Variants in ST3GAL3 observed in about 807,000 individuals in gnomAD.
ST3GAL3 encodes CMP-N-acetylneuraminate-beta-1,4-galactoside alpha-2,3-sialyltransferase.
A neutral mutation model predicts 50.1 loss-of-function variants in ST3GAL3; 21 were observed. The observed-to-expected ratio is 0.42, with a 90% CI of 0.30 to 0.60. The LOEUF is 0.60. Ranked by LOEUF, ST3GAL3 falls within the 20% of genes least tolerant of loss-of-function variation. ST3GAL3 has a pLI of 0.19. For missense variants in ST3GAL3, 353 were observed against 489.4 expected (o/e 0.72, Z 2.63); for synonymous variants, 183 against 190.0 (o/e 0.96, Z 0.30).
intron 2 of ST3GAL3, among the ~76,000 whole-genome samples, chr1:43,744,683 T>TAAATAAATAAATAAATAAATA (rs1340747335): frequency 9.6e-4 from 138 of 143,096 alleles, no homozygotes; most frequent in Admixed American, 1.2e-3. Context: ...AATAAATAAA[T>TAAATAAATAAATAAATAAATA]AAATAAAATA....
rs565306738 is a variant in ST3GAL3 at position 43,827,276 on chromosome 1, A to G, written c.210-10943A>G. Among the ~76,000 whole-genome samples, 7 of 152,332 alleles carry G rather than the reference A, an allele frequency of 4.6e-5. No individual in the cohort carries two copies. In the East Asian group the frequency reaches 1.3e-3, roughly 29 times the overall value. ...ATACACAAAAGGCAATTGCTTTTCT[A>G]TATACCAGCAAGAAGCAATTGGAAT... is the stretch of plus-strand genomic sequence containing the variant. On this transcript the variant is annotated intron_variant, in intron 4 of 11. Transcript: ENST00000347631.
chr1:43,779,347 A>C (rs116235316), intron 2 of ST3GAL3, among the ~76,000 whole-genome samples: 1 of 152,224 alleles, frequency 6.6e-6, no homozygotes, highest in Non-Finnish European at 1.5e-5. Context: ...CTATCCTTAT[A>C]GGCTGTGTAA....
chr1:43,779,410 A>T (rs560301339), intron 2 of ST3GAL3, among the ~76,000 whole-genome samples: 1 of 152,322 alleles, frequency 6.6e-6, no homozygotes, highest in South Asian at 2.1e-4. Flanking sequence ...ACATGTGCAT[A>T]GTTTACAGGG....
chr1:43,846,199 T>C (rs1161536804), intron 5 of ST3GAL3, among the ~76,000 whole-genome samples: 1 of 152,226 alleles, frequency 6.6e-6, no homozygotes, highest in Non-Finnish European at 1.5e-5. Flanking sequence ...CTGTACACTT[T>C]TTCTAACAAT....
intron 2 of ST3GAL3, among the ~76,000 whole-genome samples, chr1:43,786,253 T>G (rs1378911011): frequency 6.6e-6 from 1 of 152,204 alleles, no homozygotes; most frequent in Admixed American, 6.5e-5. Flanking sequence ...CTCCCGGGGT[T>G]TTAAGCAGGG....
chr1:43,740,979 T>A (rs928491529), intron 2 of ST3GAL3, among the ~76,000 whole-genome samples: 1 of 151,990 alleles, frequency 6.6e-6, no homozygotes, highest in African/African-American at 2.4e-5. Flanking sequence ...GAAATTCATT[T>A]CTAATTAATA....
At chr1:43,894,051 C>T in intron 5 of ST3GAL3, 1 of 383,260 alleles carries the variant, frequency 2.6e-6, no homozygotes, top group Non-Finnish European at 5.0e-6. Flanking sequence ...ACAGTGTGGG[C>T]AGCAGTGACT....
At chr1:43,740,799 G>C (rs1333251970) in intron 2 of ST3GAL3, among the ~76,000 whole-genome samples, 1 of 151,244 alleles carries the variant, frequency 6.6e-6, no homozygotes, top group African/African-American at 2.4e-5. Context: ...CTGGGCAACA[G>C]CATGAAACCT....
In ST3GAL3 at chr1:43,717,871, A is replaced by AT. The variant is rs112419060; in HGVS notation, c.-31+10192dup. ...GAACAAATAATTATACCTATCATGA[A>AT]TTTTTTTTTTTTTTAAATGAGACGG... is the stretch of plus-strand genomic sequence containing the variant. On this transcript the variant is annotated intron_variant, in intron 1 of 11. Coordinates refer to ENST00000347631, the MANE Select transcript of ST3GAL3 (RefSeq NM_006279.5). Among the ~76,000 whole-genome samples, 197 of 145,826 alleles carry AT rather than the reference A, an allele frequency of 1.4e-3. 2 individuals are homozygous for AT. The South Asian group carries it at 0.019, about 14-fold the overall frequency.
intron 2 of ST3GAL3, among the ~76,000 whole-genome samples, chr1:43,789,393 C>T (rs1249408795): frequency 6.6e-6 from 1 of 151,980 alleles, no homozygotes; most frequent in Non-Finnish European, 1.5e-5. Context: ...TGAGAATGTT[C>T]TAAATTGGAT....
chr1:43,832,462 G>A (rs540554791), intron 4 of ST3GAL3, among the ~76,000 whole-genome samples: 1 of 152,324 alleles, frequency 6.6e-6, no homozygotes, highest in South Asian at 2.1e-4. Flanking sequence ...GGCAAAAGCT[G>A]TAGAGAAACC....
At chr1:43,803,670 C>G (rs1179416962) in intron 3 of ST3GAL3, among the ~76,000 whole-genome samples, 2 of 152,172 alleles carry the variant, frequency 1.3e-5, no homozygotes, top group Non-Finnish European at 2.9e-5. Context: ...CATCAGTGTT[C>G]CAGTGTTCAT....
At chr1:43,718,941 G>A (rs938735708) in intron 1 of ST3GAL3, 1 of 152,170 alleles carries the variant, frequency 6.6e-6, no homozygotes, top group Non-Finnish European at 1.5e-5. Context: ...GCCTGCCTTG[G>A]CCTCCCAAAG....
intron 5 of ST3GAL3, among the ~76,000 whole-genome samples, chr1:43,879,975 C>T (rs770656964): frequency 1.3e-5 from 2 of 152,184 alleles, no homozygotes; most frequent in African/African-American, 2.4e-5. Context: ...ACAGCCTTGG[C>T]GCTACTGTGG....
chr1:43,806,284 G>A (rs746288595), intron 3 of ST3GAL3, among the ~76,000 whole-genome samples: 8 of 152,214 alleles, frequency 5.3e-5, no homozygotes, highest in Non-Finnish European at 1.2e-4. Context: ...AGCAAGATGA[G>A]TGAAGGCATT....
chr1:43,731,648 C>G (rs947790905), intron 1 of ST3GAL3, among the ~76,000 whole-genome samples: 2 of 149,348 alleles, frequency 1.3e-5, no homozygotes, highest in African/African-American at 5.0e-5. Context: ...CCGCCCACCT[C>G]GGCCTCCCAA....
chr1:43,893,810 G>A (rs1039424926), intron 5 of ST3GAL3, among the ~76,000 whole-genome samples: 10 of 151,836 alleles, frequency 6.6e-5, no homozygotes, highest in South Asian at 4.2e-4. Flanking sequence ...CTCTCCCCTC[G>A]GCCCTGCCTC....
chr1:43,898,456 A>G, intron 7 of ST3GAL3, 158 bp downstream of exon 7: 1 of 755,300 alleles, frequency 1.3e-6, no homozygotes. Context: ...AGGTAAGTGG[A>G]ACCACTCCAC....
intron 4 of ST3GAL3, among the ~76,000 whole-genome samples, chr1:43,827,894 G>A (rs1036692465): frequency 6.6e-6 from 1 of 152,006 alleles, no homozygotes; most frequent in Non-Finnish European, 1.5e-5. Flanking sequence ...GTCATTTTTC[G>A]AATATCAACA....
Sources: allele counts gnomAD v4.1 joint callset (sites outside exome capture counted in the v4.1 genomes callset), GRCh38; gene constraint gnomAD v4.1.1; transcripts MANE v1.5; gene names NCBI Gene and HGNC (gene_info 2026-07-23, HGNC 2026-07-21).